Variants in BLNK observed in about 807,000 individuals in gnomAD.
BLNK encodes the protein B cell linker.
BLNK carries 29 observed loss-of-function variants against 73.5 expected under a neutral mutation model. The ratio of observed to expected loss-of-function variants is 0.39; its 90% CI spans 0.29 to 0.54. The LOEUF (loss-of-function observed/expected upper bound fraction) is 0.54. Among genes scored for constraint, BLNK ranks in the 20% least tolerant of loss-of-function variants. The probability of loss-of-function intolerance (pLI) is 0.61; values close to 1 mark genes in which losing one functional copy is unlikely to be tolerated. For synonymous variants in BLNK, 176 were observed against 200.8 expected (o/e 0.88, Z 1.04); for missense variants, 460 against 562.8 (o/e 0.82, Z 1.85).
rs782730124 is a variant in BLNK, at chr10:96,216,712, T to G, written c.548A>C (p.Glu183Ala). The change falls in exon 7 of 17, where the codon GAA becomes GCA. Residue 183 changes from glutamate to alanine, a missense_variant. This residue lies in a region of BLNK where 233 missense variants were observed against 232.1 expected (regional missense o/e 1.00). Transcript: ENST00000224337. ...ATGAATATAGTTTTCATCATTATCT[T>G]CCACGGGGACCACATAATCAGCCTA... ...EDEADYVVPV[E>A]DNDENYIHPT... 1.9e-6 allele frequency: 3 copies of G among 1,614,108 alleles called. No individual in the cohort carries two copies. The highest frequency in any genetic ancestry group is 2.5e-6 in the Non-Finnish European group (3 of 1,179,964).
chr10:96,189,818 A>C lies in BLNK; in HGVS notation c.*2155T>G. On this transcript the variant is annotated 3_prime_UTR_variant, in exon 17 of 17. Coordinates refer to ENST00000224337, the MANE Select transcript of BLNK (RefSeq NM_013314.4). ...AGATCACTTTCCAGATATCCTTAAG[A>C]GTTTCACATCCTCCTCCTCTTCATC... The C allele has an allele frequency of 8.4e-7, 1 of 1,185,302 alleles. No individual in the cohort carries two copies. Among genetic ancestry groups the C allele is most frequent in the African/African-American group, 1.5e-5 (1 of 68,710 alleles). The allele number at this position is 1,185,302 out of a possible 1,614,324, so 73.4% of individuals were successfully genotyped here. A position where few individuals can be genotyped will look rare whatever the true frequency, so the allele number is the denominator to read the frequency against.
At chr10:96,229,401 A>C (rs1554903520) in intron 4 of BLNK, among the ~76,000 whole-genome samples, 1 of 152,224 alleles carries the variant, frequency 6.6e-6, no homozygotes, top group African/African-American at 2.4e-5. Flanking sequence ...CCTGGATTTC[A>C]TTCTGCGTGC....
intron 5 of BLNK, 71 bp from the exon 6 acceptor site, chr10:96,224,060 G>A: frequency 6.4e-7 from 1 of 1,573,674 alleles, no homozygotes; most frequent in Non-Finnish European, 8.7e-7. Flanking sequence ...AAGCCATTGA[G>A]ATCCAGAAAG....
chr10:96,215,693 G>C (rs1225304748), intron 7 of BLNK, among the ~76,000 whole-genome samples: 1 of 152,116 alleles, frequency 6.6e-6, no homozygotes, highest in Non-Finnish European at 1.5e-5. Context: ...CCAAGTGGGA[G>C]GTCTAAGAGA....
chr10:96,192,025 T>C lies in BLNK; in HGVS notation c.1319A>G (p.Gln440Arg), dbSNP rs782280453. The C allele has an allele frequency of 5.6e-6, 9 of 1,613,684 alleles. No homozygotes were observed. The highest frequency in any genetic ancestry group is 1.7e-5 in the Admixed American group (1 of 60,000). Reference protein sequence around the residue: ...QHSPLVLIDSQNNTKDSTRLK... With the variant: ...QHSPLVLIDSRNNTKDSTRLK... ...TCTGGTGGAATCTTTTGTGTTATTC[T>C]GACTGTCAATAAGAACCAAAGGACT... The change falls in exon 17 of 17, where the codon CAG (glutamine) becomes CGG (arginine). Residue 440 changes from glutamine (Q) to arginine (R), a missense_variant. Coordinates refer to ENST00000224337, the MANE Select transcript of BLNK (RefSeq NM_013314.4).
chr10:96,236,599 A>T (rs1554905137), intron 3 of BLNK, among the ~76,000 whole-genome samples: 10 of 152,122 alleles, frequency 6.6e-5, no homozygotes, highest in Non-Finnish European at 1.5e-5. Flanking sequence ...GGGCAGGAGG[A>T]TCACTGGAGG....
chr10:96,219,469 A>G (rs1376682673), intron 6 of BLNK, among the ~76,000 whole-genome samples: 1 of 152,176 alleles, frequency 6.6e-6, no homozygotes, highest in East Asian at 1.9e-4. Context: ...GTAGTCAACA[A>G]AATCCTTCAA....
Position 96,191,838 on chromosome 10 carries a change from C to A in BLNK, c.*135G>T. ...CTTAAAAAGAAATGGATGACCACTT[C>A]AATAGCTGACTCCATCTTCCATTTT... On this transcript the variant is annotated 3_prime_UTR_variant, in exon 17 of 17. Coordinates refer to ENST00000224337, the MANE Select transcript of BLNK (RefSeq NM_013314.4). 8.2e-7 allele frequency: 1 copy of A among 1,226,818 alleles called. No homozygotes were observed. The highest frequency in any genetic ancestry group is 1.3e-5 in the South Asian group (1 of 77,344). 76.0% of individuals were successfully genotyped at this position (1,226,818 alleles called of 1,614,324 possible).
At chr10:96,256,022 G>T (rs564725684) in intron 1 of BLNK, among the ~76,000 whole-genome samples, 1 of 152,234 alleles carries the variant, frequency 6.6e-6, no homozygotes, top group South Asian at 2.1e-4. Context: ...ATAGAAAATT[G>T]AACACTGCCA....
chr10:96,235,099 C>T (rs1009532682), intron 3 of BLNK, among the ~76,000 whole-genome samples: 1 of 152,172 alleles, frequency 6.6e-6, no homozygotes, highest in Non-Finnish European at 1.5e-5. Context: ...GCACCAGACA[C>T]AAGGAGATGT....
chr10:96,257,699 T>G (rs1324626652), intron 1 of BLNK, among the ~76,000 whole-genome samples: 2 of 152,268 alleles, frequency 1.3e-5, no homozygotes. Flanking sequence ...TGTCATGCTT[T>G]GCTGTTTTAT....
chr10:96,189,989 G>T lies in BLNK; in HGVS notation c.*1984C>A. On this transcript the variant is annotated 3_prime_UTR_variant, in exon 17 of 17. Coordinates refer to ENST00000224337, the MANE Select transcript of BLNK (RefSeq NM_013314.4). ...TGTTGGCTGTACAGACATTTTCAAA[G>T]GTGCCAGTGTTATTTAATTGGACTG... 1.2e-6 allele frequency: 1 copy of T among 830,072 alleles called. No homozygotes were observed. Among genetic ancestry groups the T allele is most frequent in the Non-Finnish European group, 2.1e-6 (1 of 479,622 alleles). 51.4% of individuals were successfully genotyped at this position (830,072 alleles called of 1,614,324 possible).
intron 5 of BLNK, 89 bp downstream of exon 5, chr10:96,227,321 C>A: frequency 1.9e-6 from 3 of 1,539,636 alleles, no homozygotes; most frequent in Non-Finnish European, 1.8e-6. Context: ...CAAGCAGCAG[C>A]CAGGTTTGTC....
intron 1 of BLNK, among the ~76,000 whole-genome samples, chr10:96,269,630 A>C (rs1222042230): frequency 6.6e-6 from 1 of 152,026 alleles, no homozygotes; most frequent in Non-Finnish European, 1.5e-5. Context: ...ACTCCAACGC[A>C]TCCTACCAGG....
At chr10:96,202,909 T>C (rs2083683493) in intron 13 of BLNK, among the ~76,000 whole-genome samples, 1 of 152,226 alleles carries the variant, frequency 6.6e-6, no homozygotes, top group African/African-American at 2.4e-5. Context: ...GCCCATTTTA[T>C]AGAACAGGCC....
At chr10:96,207,426 G>A (rs1373736176) in intron 10 of BLNK, among the ~76,000 whole-genome samples, 1 of 152,178 alleles carries the variant, frequency 6.6e-6, no homozygotes, top group Non-Finnish European at 1.5e-5. Context: ...GATTGTAAAT[G>A]TCAGGCTTCA....
Position 96,191,233 on chromosome 10 carries a change from C to A in BLNK, c.*740G>T, listed in dbSNP as rs1458635594. ...ATGTGGAACTGTGAGTCCATTAAAC[C>A]TCTTTTTTTTTTTTTTTTTTTATGT... On this transcript the variant is annotated 3_prime_UTR_variant, in exon 17 of 17. Coordinates refer to ENST00000224337, the MANE Select transcript of BLNK (RefSeq NM_013314.4). Among the ~76,000 whole-genome samples the A allele has an allele frequency of 5.6e-5, 6 of 106,610 alleles. No individual in the cohort carries two copies. Among genetic ancestry groups the A allele is most frequent in the Non-Finnish European group, 1.2e-4 (6 of 50,754 alleles). 69.9% of individuals were successfully genotyped at this position (106,610 alleles called of 152,430 possible). A position where few individuals can be genotyped will look rare whatever the true frequency, so the allele number is the denominator to read the frequency against.
At chr10:96,205,830 T>C (rs1167696425) in intron 11 of BLNK, among the ~76,000 whole-genome samples, 1 of 152,212 alleles carries the variant, frequency 6.6e-6, no homozygotes, top group East Asian at 1.9e-4. Flanking sequence ...TGGACATGCC[T>C]TGGGCCCTGC....
Position 96,216,706 on chromosome 10 carries a change from T to C in BLNK, c.554A>G (p.Asn185Ser). The change falls in exon 7 of 17, where the codon AAT becomes AGT. Residue 185 changes from asparagine (N) to serine (S), a missense_variant. Physicochemically the swap from Asn to Ser is conservative, Grantham distance 46. Coordinates refer to ENST00000224337, the MANE Select transcript of BLNK (RefSeq NM_013314.4). ...TGTGGGATGAATATAGTTTTCATCATTATCTTCCACGGGGACCACATAATC... is the reference window on the plus strand; with the variant it reads ...TGTGGGATGAATATAGTTTTCATCACTATCTTCCACGGGGACCACATAATC... ...EADYVVPVED[N>S]DENYIHPTES... The C allele has an allele frequency of 6.2e-7, 1 of 1,614,130 alleles. No individual in the cohort carries two copies. The highest frequency in any genetic ancestry group is 8.5e-7 in the Non-Finnish European group (1 of 1,179,968).
Sources: allele counts gnomAD v4.1 joint callset (sites outside exome capture counted in the v4.1 genomes callset), GRCh38; gene constraint gnomAD v4.1.1; regional missense constraint gnomAD v4.1.1; transcripts MANE v1.5; gene names NCBI Gene and HGNC (gene_info 2026-07-23, HGNC 2026-07-21).